Variants in PGM5 observed in about 807,000 individuals in gnomAD.
The protein encoded by PGM5 is phosphoglucomutase-like protein 5.
A neutral mutation model predicts 59.2 loss-of-function variants in PGM5; 23 were observed. The observed-to-expected ratio is 0.39, with a 90% CI of 0.28 to 0.55. The LOEUF (loss-of-function observed/expected upper bound fraction) is 0.55, where lower values mean the gene tolerates loss of function less well. Ranked by LOEUF, PGM5 falls within the 20% of genes least tolerant of loss-of-function variation. The pLI is 0.66. For synonymous variants in PGM5, 214 were observed against 286.0 expected (o/e 0.75, Z 2.54); for missense variants, 574 against 748.3 (o/e 0.77, Z 2.72).
At chr9:68,503,375 T>C (rs964036030) in intron 10 of PGM5, among the ~76,000 whole-genome samples, 4 of 152,320 alleles carry the variant, frequency 2.6e-5, no homozygotes, top group African/African-American at 9.6e-5. Context: ...CACAACCCCA[T>C]TTTATAATAA....
intron 6 of PGM5, among the ~76,000 whole-genome samples, chr9:68,404,528 G>T (rs1822753545): frequency 6.6e-6 from 1 of 152,244 alleles, no homozygotes. Flanking sequence ...GTTAGCAATT[G>T]GATATGAGAT....
rs138322999 is a variant in PGM5 at position 68,502,398 on chromosome 9, T to C, written c.1614+3037T>C. Among the ~76,000 whole-genome samples the C allele has an allele frequency of 5.8e-3, 885 of 152,356 alleles. 10 individuals are homozygous for C. Among genetic ancestry groups the C allele is most frequent in the African/African-American group, 0.02 (841 of 41,584 alleles). ...TCCGTTTTCTTTCCCATCCAATTTA[T>C]TAGCAGGGCTGCTATTATTAGCTTC... is the stretch of plus-strand genomic sequence containing the variant. On this transcript the variant is annotated intron_variant, in intron 10 of 10. Coordinates refer to ENST00000396396, the MANE Select transcript of PGM5 (RefSeq NM_021965.4).
intron 9 of PGM5, among the ~76,000 whole-genome samples, chr9:68,489,505 G>A (rs1554687758): frequency 7.0e-6 from 1 of 142,320 alleles, no homozygotes; most frequent in East Asian, 2.1e-4. Flanking sequence ...TGGCTCTGTC[G>A]CCCAGGCTGG....
intron 1 of PGM5, among the ~76,000 whole-genome samples, chr9:68,363,230 C>A: frequency 6.6e-6 from 1 of 152,272 alleles, no homozygotes; most frequent in Non-Finnish European, 1.5e-5. Context: ...TAGCACTGTT[C>A]AATAGAAGTT....
chr9:68,454,028 C>T (rs141654824), intron 6 of PGM5, among the ~76,000 whole-genome samples: 3 of 152,330 alleles, frequency 2.0e-5, no homozygotes, highest in African/African-American at 2.4e-5. Flanking sequence ...CTCTGCTCCC[C>T]GTCCTGTAGA....
chr9:68,399,768 T>G (rs1182830952), intron 6 of PGM5, among the ~76,000 whole-genome samples: 1 of 152,172 alleles, frequency 6.6e-6, no homozygotes, highest in Non-Finnish European at 1.5e-5. Flanking sequence ...TTAGACAAAA[T>G]TTTACTCCTG....
chr9:68,492,437 C>A (rs1249612309), intron 9 of PGM5, among the ~76,000 whole-genome samples: 1 of 152,150 alleles, frequency 6.6e-6, no homozygotes, highest in Non-Finnish European at 1.5e-5. Flanking sequence ...AGTCACTTGA[C>A]CTTGATTTCC....
chr9:68,374,825 C>T (rs1821837685), intron 1 of PGM5, among the ~76,000 whole-genome samples: 1 of 152,132 alleles, frequency 6.6e-6, no homozygotes, highest in Non-Finnish European at 1.5e-5. Flanking sequence ...AAAAAGAAAA[C>T]AGTCCTTGGA....
chr9:68,364,689 G>A (rs1459143379), intron 1 of PGM5, among the ~76,000 whole-genome samples: 1 of 152,100 alleles, frequency 6.6e-6, no homozygotes, highest in Non-Finnish European at 1.5e-5. Context: ...TATTATGTGA[G>A]CAATAGCAAA....
At chr9:68,383,740 TAAA>T (rs61055122) in intron 2 of PGM5, among the ~76,000 whole-genome samples, 39,342 of 106,652 alleles carry the variant, frequency 0.37, 6,678 homozygotes, top group Admixed American at 0.42. Context: ...ATATACAAGG[TAAA>T]AAAAAAAAAA....
At position 68,469,439 on chromosome 9, in the gene PGM5, T is replaced by G. The variant is rs148622664; in HGVS notation, c.1159+4231T>G. 1.8e-3 allele frequency among the ~76,000 whole-genome samples: 278 copies of G among 152,362 alleles called. 2 individuals are homozygous for G. The highest frequency in any genetic ancestry group is 7.9e-3 in the South Asian group (38 of 4,828). ...AGAAATTTGGAATTGAATCCAGAGC[T>G]GCTGGCATTAGCATGAGTTGTCCAT... On this transcript the variant is annotated intron_variant, in intron 7 of 10. Transcript: ENST00000396396.
At chr9:68,522,618 A>G (rs1824915993) in intron 10 of PGM5, among the ~76,000 whole-genome samples, 1 of 152,230 alleles carries the variant, frequency 6.6e-6, no homozygotes, top group Non-Finnish European at 1.5e-5. Flanking sequence ...TAAGAGAAAC[A>G]CATTTTGAGT....
At position 68,530,886 on chromosome 9, in the gene PGM5, A is replaced by G. The variant is rs1397092870; in HGVS notation, c.*1230A>G. The G allele has an allele frequency of 6.6e-6, 1 of 152,200 alleles. No individual in the cohort carries two copies. The highest frequency in any genetic ancestry group is 1.5e-5 in the Non-Finnish European group (1 of 68,050). 9.4% of individuals were successfully genotyped at this position (152,200 alleles called of 1,614,324 possible). A position where few individuals can be genotyped will look rare whatever the true frequency, so the allele number is the denominator to read the frequency against. On this transcript the variant is annotated 3_prime_UTR_variant, in exon 11 of 11. Coordinates refer to ENST00000396396, the MANE Select transcript of PGM5 (RefSeq NM_021965.4). Reference sequence around the variant, plus strand: ...AGTCACTCACCCTGCCATTTGCGGAAATGACCTGGTGCACTTTGACTGTTA... The same window carrying G: ...AGTCACTCACCCTGCCATTTGCGGAGATGACCTGGTGCACTTTGACTGTTA...
intron 10 of PGM5, among the ~76,000 whole-genome samples, chr9:68,523,131 G>A (rs1376353160): frequency 1.3e-5 from 2 of 152,346 alleles, no homozygotes; most frequent in South Asian, 4.1e-4. Context: ...TTGCTAGCCA[G>A]CCTCTCTATT....
chr9:68,457,455 T>C (rs76332936), intron 6 of PGM5, among the ~76,000 whole-genome samples: 353 of 152,344 alleles, frequency 2.3e-3, no homozygotes, highest in African/African-American at 7.8e-3. Flanking sequence ...CATAGAGTAG[T>C]GAAGCAGCAT....
intron 3 of PGM5, among the ~76,000 whole-genome samples, chr9:68,385,777 G>T (rs1161221587): frequency 2.0e-5 from 3 of 152,066 alleles, no homozygotes; most frequent in Non-Finnish European, 2.9e-5. Context: ...CCGAATCTTC[G>T]TGGGCTCTCA....
chr9:68,475,506 ATC>A, intron 7 of PGM5, among the ~76,000 whole-genome samples: 1 of 152,176 alleles, frequency 6.6e-6, no homozygotes, highest in Non-Finnish European at 1.5e-5. Flanking sequence ...ATATATACAT[ATC>A]TATATTTTTT....
In PGM5 at chr9:68,419,063, T is replaced by C. The variant is rs139546202; in HGVS notation, c.1043+26590T>C. 1.3e-3 allele frequency among the ~76,000 whole-genome samples: 205 copies of C among 152,320 alleles called. 1 individual carries two copies. The highest frequency in any genetic ancestry group is 4.8e-3 in the African/African-American group (200 of 41,558). On this transcript the variant is annotated intron_variant, in intron 6 of 10. Transcript: ENST00000396396. ...CAAAGTATAGGTGGAAATAAACCTC[T>C]GCTTTAAAATCTCAACAGAAAAATC...
intron 6 of PGM5, chr9:68,399,011 G>A (rs1221752029): frequency 6.6e-6 from 1 of 152,122 alleles, no homozygotes; most frequent in Non-Finnish European, 1.5e-5. Context: ...TGGGTATTGT[G>A]TATATATTTT....
Sources: allele counts gnomAD v4.1 joint callset (sites outside exome capture counted in the v4.1 genomes callset), GRCh38; gene constraint gnomAD v4.1.1; transcripts MANE v1.5; gene names NCBI Gene and HGNC (gene_info 2026-07-23, HGNC 2026-07-21).